The following KIAA0825 variants were observed in gnomAD, a reference collection of about 807,000 sequenced individuals.
The protein encoded by KIAA0825 is KIAA0825, also known as uncharacterized protein KIAA0825.
In KIAA0825, 119 loss-of-function variants were observed where a neutral mutation model predicts 147.6. The observed-to-expected ratio is 0.81, with a 90% CI of 0.69 to 0.94. KIAA0825 has a LOEUF of 0.94. Ranked by LOEUF, KIAA0825 falls within the 40% of genes least tolerant of loss-of-function variation. KIAA0825 has a pLI of 0.00. For synonymous variants in KIAA0825, 470 were observed against 518.1 expected, an observed-to-expected ratio of 0.91 and a Z score of 1.26; for missense variants, 1,381 against 1,472.7, an observed-to-expected ratio of 0.94 and a Z score of 1.02.
chr5:94,511,617 T>C (rs557340444), intron 5 of KIAA0825, among the ~76,000 whole-genome samples: 5 of 152,208 alleles, frequency 3.3e-5, no homozygotes. Context: ...AGCGAGACTC[T>C]GTCTCAAAGA....
At chr5:94,165,736 G>T (rs1312768687) in intron 20 of KIAA0825, among the ~76,000 whole-genome samples, 2 of 152,184 alleles carry the variant, frequency 1.3e-5, no homozygotes, top group Admixed American at 1.3e-4. Flanking sequence ...TATGTTAAGT[G>T]AAATAAGCCA....
At position 94,350,549 on chromosome 5, in the gene KIAA0825, G is replaced by A. The variant is rs183383419; in HGVS notation, c.3710+33819C>T. On this transcript the variant is annotated intron_variant, in intron 20 of 20. Coordinates refer to ENST00000682413, the MANE Select transcript of KIAA0825 (RefSeq NM_001145678.3). ...ATCTTTAACAAAATATTAGCTAACC[G>A]AATCCAACAACATATCAAAAAGATA... Among the ~76,000 whole-genome samples, 90 of 152,232 alleles carry A rather than the reference G, an allele frequency of 5.9e-4. 2 individuals are homozygous for A. Among genetic ancestry groups the A allele is most frequent in the Non-Finnish European group, 5.0e-4 (34 of 68,008 alleles).
At chr5:94,475,810 AAAAAGAAAAG>A (rs151020241) in intron 7 of KIAA0825, among the ~76,000 whole-genome samples, 1,970 of 152,220 alleles carry the variant, frequency 0.013, 22 homozygotes, top group Non-Finnish European at 0.02. Context: ...CTATGTCTCA[AAAAAGAAAAG>A]AAAAGAAAAG....
At chr5:94,517,474 G>C (rs1767445632) in intron 5 of KIAA0825, among the ~76,000 whole-genome samples, 1 of 152,002 alleles carries the variant, frequency 6.6e-6, no homozygotes, top group Non-Finnish European at 1.5e-5. Context: ...ATTCAGGGAA[G>C]AACAACCAAT....
At chr5:94,438,923 T>C (rs752773856) in intron 14 of KIAA0825, among the ~76,000 whole-genome samples, 19 of 152,190 alleles carry the variant, frequency 1.2e-4, no homozygotes, top group Non-Finnish European at 1.2e-4. Context: ...GAAAGTTCAC[T>C]ATGAAGTTCA....
In KIAA0825 at chr5:94,344,968, A is replaced by T. The variant is rs1782828118; in HGVS notation, c.3710+39400T>A. Among the ~76,000 whole-genome samples, 3 of 152,154 alleles carry T rather than the reference A, an allele frequency of 2.0e-5. No individual in the cohort carries two copies. In the South Asian group the frequency reaches 6.2e-4, roughly 32 times the overall value. On this transcript the variant is annotated intron_variant, in intron 20 of 20. Transcript: ENST00000682413. ...CAGTTTCAGTTTGAAAAGATGAAAA[A>T]TTCTGAAGATGGATGGTGGTAGTGA...
intron 4 of KIAA0825, among the ~76,000 whole-genome samples, chr5:94,521,594 G>A (rs1177550706): frequency 1.3e-5 from 2 of 151,664 alleles, no homozygotes; most frequent in South Asian, 4.1e-4. Flanking sequence ...AACCCAAAAT[G>A]AGAAAAAGAT....
intron 14 of KIAA0825, among the ~76,000 whole-genome samples, chr5:94,437,896 T>A (rs1347707426): frequency 1.3e-5 from 2 of 152,216 alleles, no homozygotes; most frequent in Non-Finnish European, 2.9e-5. Flanking sequence ...CCATGTTTTA[T>A]ATTCTAATTG....
At position 94,361,605 on chromosome 5, in the gene KIAA0825, C is replaced by T. The variant is rs1019382611; in HGVS notation, c.3710+22763G>A. On this transcript the variant is annotated intron_variant, in intron 20 of 20. Transcript: ENST00000682413. ...TTGTGAAAAATAATATTATTTCCAA[C>T]GAATGCATTAAAATCACACATATAA... Among the ~76,000 whole-genome samples, 4 of 152,150 alleles carry T rather than the reference C, an allele frequency of 2.6e-5. No individual in the cohort carries two copies. The East Asian group carries it at 5.8e-4, about 22-fold the overall frequency.
chr5:94,422,627 A>C (rs1372066011), intron 14 of KIAA0825, among the ~76,000 whole-genome samples: 3 of 152,106 alleles, frequency 2.0e-5, no homozygotes, highest in African/African-American at 7.2e-5. Flanking sequence ...CTTTCCACAA[A>C]ATAAAGGTCT....
intron 20 of KIAA0825, among the ~76,000 whole-genome samples, chr5:94,163,049 G>A (rs1411438835): frequency 1.3e-5 from 2 of 152,044 alleles, no homozygotes; most frequent in Non-Finnish European, 2.9e-5. Context: ...ATCACTATTT[G>A]TTTCTTAAAG....
chr5:94,535,423 T>G (rs546536014), intron 3 of KIAA0825, among the ~76,000 whole-genome samples: 29 of 137,964 alleles, frequency 2.1e-4, no homozygotes, highest in Admixed American at 1.3e-3. Flanking sequence ...GGCACAAGAA[T>G]CGCTTGAACC....
chr5:94,615,807 T>C (rs746362139), intron 1 of KIAA0825: 5 of 152,080 alleles, frequency 3.3e-5, no homozygotes, highest in Non-Finnish European at 5.9e-5. Flanking sequence ...AAAGGAATCA[T>C]TCATTCAATA....
At chr5:94,475,636 G>A (rs1483111034) in intron 7 of KIAA0825, among the ~76,000 whole-genome samples, 5 of 151,912 alleles carry the variant, frequency 3.3e-5, no homozygotes, top group Admixed American at 6.6e-5. Flanking sequence ...GATGAAACCC[G>A]GTCTCTACTG....
intron 20 of KIAA0825, among the ~76,000 whole-genome samples, chr5:94,222,689 C>G (rs548577508): frequency 6.6e-6 from 1 of 152,182 alleles, no homozygotes; most frequent in Non-Finnish European, 1.5e-5. Context: ...TAGCTCTTAA[C>G]AATCATAAAA....
At chr5:94,583,061 T>C (rs1480718562) in intron 1 of KIAA0825, among the ~76,000 whole-genome samples, 1 of 152,198 alleles carries the variant, frequency 6.6e-6, no homozygotes, top group East Asian at 1.9e-4. Flanking sequence ...GCTTCCAAGA[T>C]GGCCAAATAG....
At chr5:94,190,319 G>T (rs1003555974) in intron 20 of KIAA0825, among the ~76,000 whole-genome samples, 3 of 151,420 alleles carry the variant, frequency 2.0e-5, no homozygotes, top group African/African-American at 7.3e-5. Flanking sequence ...GATGTTTTTT[G>T]TTTGTTTGTT....
chr5:94,533,517 C>T (rs1002886078), intron 3 of KIAA0825, among the ~76,000 whole-genome samples: 15 of 151,924 alleles, frequency 9.9e-5, no homozygotes, highest in African/African-American at 2.7e-4. Flanking sequence ...CTTTGTGATC[C>T]GCCCGCCTCA....
At position 94,193,641 on chromosome 5, in the gene KIAA0825, A is replaced by C. The variant is rs1187320355; in HGVS notation, c.3711-39517T>G. ...TGTCAGGCACTCATCTAAGAACTTT[A>C]TTAAATCTACTTAGATCTCACAACA... On this transcript the variant is annotated intron_variant, in intron 20 of 20. Transcript: ENST00000682413. Among the ~76,000 whole-genome samples the C allele has an allele frequency of 2.6e-5, 4 of 152,216 alleles. No individual in the cohort carries two copies. The South Asian group carries it at 6.2e-4, about 24-fold the overall frequency.
Sources: allele counts gnomAD v4.1 joint callset (sites outside exome capture counted in the v4.1 genomes callset), GRCh38; gene constraint gnomAD v4.1.1; transcripts MANE v1.5; gene names NCBI Gene and HGNC (gene_info 2026-07-23, HGNC 2026-07-21).